TRIB3: variants seen among roughly 807,000 people sequenced by gnomAD.
TRIB3 encodes the protein tribbles homolog 3.
Under a neutral mutation model 16.6 loss-of-function variants are expected in TRIB3, and 20 were observed. That is an observed-to-expected ratio of 1.20 (90% CI 0.85 to 1.75). The LOEUF is 1.75. Among genes scored for constraint, TRIB3 ranks in the 40% most tolerant of loss-of-function variants. TRIB3 has a pLI of 0.00. For missense variants in TRIB3, 484 were observed against 488.9 expected, an observed-to-expected ratio of 0.99 and a Z score of 0.10; for synonymous variants, 208 against 217.0, an observed-to-expected ratio of 0.96 and a Z score of 0.36.
intron 1 of TRIB3, among the ~76,000 whole-genome samples, chr20:387,193 G>A (rs947169173): frequency 6.6e-6 from 1 of 152,136 alleles, no homozygotes; most frequent in Middle Eastern, 3.4e-3. Flanking sequence ...GCAATGTAGG[G>A]AGACCCCCAT....
rs1338559262 is a variant in TRIB3, at chr20:391,382, T to C, written c.387T>C (p.Gly129=). The C allele has an allele frequency of 6.2e-7, 1 of 1,613,532 alleles. No homozygotes were observed. Among genetic ancestry groups the C allele is most frequent in the East Asian group, 2.2e-5 (1 of 44,886 alleles). ...HVARPTEVLA[G]TQLLYAFFTR... ...CTCGGCCCACTGAGGTCCTGGCTGG[T>C]ACCCAGCTCCTCTACGCCTTTTTCA... Residue 129 remains glycine, a synonymous_variant, in exon 3 of 4, where the codon GGT becomes GGC. Transcript: ENST00000217233.
intron 1 of TRIB3, chr20:385,481 G>A (rs958670440): frequency 1.3e-5 from 2 of 151,476 alleles, no homozygotes; most frequent in African/African-American, 4.9e-5. Flanking sequence ...GTGTTCTTGG[G>A]GAACATGCAG....
Position 388,238 on chromosome 20 carries a change from C to A in TRIB3, c.228C>A (p.Pro76=), listed in dbSNP as rs56168174. The A allele has an allele frequency of 9.3e-6, 15 of 1,613,532 alleles. No individual in the cohort carries two copies. Among genetic ancestry groups the A allele is most frequent in the Non-Finnish European group, 1.3e-5 (15 of 1,180,012 alleles). ...SRLGPYVLLE[P]EEGGRAYQAL... ...TTGGGCCCTATGTCCTCCTGGAGCC[C>A]GAGGAGGGCGGGCGGGCCTACCAGG... Residue 76 remains proline, a synonymous_variant, in exon 2 of 4, where the codon CCC becomes CCA. Coordinates refer to ENST00000217233, the MANE Select transcript of TRIB3 (RefSeq NM_021158.5).
intron 2 of TRIB3, among the ~76,000 whole-genome samples, chr20:390,744 G>C (rs780969592): frequency 4.1e-4 from 63 of 152,146 alleles, no homozygotes; most frequent in Non-Finnish European, 7.6e-4. Flanking sequence ...GCTCACACCT[G>C]TAATCCCAGC....
chr20:392,465 G>A (rs2015006719), intron 3 of TRIB3, among the ~76,000 whole-genome samples: 1 of 152,148 alleles, frequency 6.6e-6, no homozygotes, highest in African/African-American at 2.4e-5. Flanking sequence ...AATAGGGTCT[G>A]AGGTTCCCCA....
intron 1 of TRIB3, among the ~76,000 whole-genome samples, chr20:385,260 G>C (rs577966389): frequency 0.014 from 2,177 of 151,970 alleles, 49 homozygotes; most frequent in African/African-American, 0.05. Flanking sequence ...TTACAGGCGT[G>C]TGCCACCACG....
At chr20:391,137 C>T (rs8120854) in intron 2 of TRIB3, 150 bp from the exon 3 acceptor site, 187,420 of 850,612 alleles carry the variant, frequency 0.22, 24,963 homozygotes, top group East Asian at 0.56. Flanking sequence ...CTTATAGGAC[C>T]ATGGTCAGGG....
chr20:385,636 C>CAG lies in TRIB3; in HGVS notation c.1-2374_1-2373dup, dbSNP rs547544267. On this transcript the variant is annotated intron_variant, in intron 1 of 3. Transcript: ENST00000217233. Reference sequence around the variant, plus strand: ...TAGGGCCCAGCAATGTATGTTGAAACAGGCCTCCAGATGATCTCAATGCTT... The same window carrying CAG: ...TAGGGCCCAGCAATGTATGTTGAAACAGAGGCCTCCAGATGATCTCAATGCTT... 3.9e-3 allele frequency: 596 copies of CAG among 152,062 alleles called. 3 individuals are homozygous for CAG. Among genetic ancestry groups the CAG allele is most frequent in the African/African-American group, 0.013 (553 of 41,458 alleles). 9.4% of individuals were successfully genotyped at this position (152,062 alleles called of 1,614,324 possible).
At chr20:395,267 T>G (rs1367740914) in intron 3 of TRIB3, among the ~76,000 whole-genome samples, 3 of 151,872 alleles carry the variant, frequency 2.0e-5, no homozygotes, top group African/African-American at 7.2e-5. Context: ...TCAAGTCATA[T>G]CCTTCTGCCT....
At chr20:396,097 G>A in intron 3 of TRIB3, 101 bp from the exon 4 acceptor site, 1 of 1,502,134 alleles carries the variant, frequency 6.7e-7, no homozygotes, top group East Asian at 2.3e-5. Context: ...TCAAAGGCCA[G>A]CAGGCACTTG....
rs1457835641 is a variant in TRIB3 at position 388,219 on chromosome 20, C to G, written c.209C>G (p.Pro70Arg). Residue 70 changes from proline (P) to arginine (R), a missense_variant, in exon 2 of 4, where the codon CCC (proline) becomes CGC (arginine). Physicochemically the swap from Pro to Arg is moderately radical, Grantham distance 103. Coordinates refer to ENST00000217233, the MANE Select transcript of TRIB3 (RefSeq NM_021158.5). The part of the protein sequence containing the change: ...TAVATASRLG[P>R]YVLLEPEEGG... ...GTGGCCACTGCCTCCCGTCTTGGGC[C>G]CTATGTCCTCCTGGAGCCCGAGGAG... 1 of 1,613,752 alleles carries G rather than the reference C, an allele frequency of 6.2e-7. No homozygotes were observed.
chr20:383,005 C>A (rs550026376), intron 1 of TRIB3, among the ~76,000 whole-genome samples: 2 of 152,188 alleles, frequency 1.3e-5, no homozygotes, highest in South Asian at 4.1e-4. Context: ...AGGCTGAGGT[C>A]TCTCGCACCA....
At chr20:386,835 G>C (rs1206789378) in intron 1 of TRIB3, among the ~76,000 whole-genome samples, 2 of 151,958 alleles carry the variant, frequency 1.3e-5, no homozygotes, top group East Asian at 3.9e-4. Context: ...CTCCCAAAGT[G>C]CTGCCGTGGG....
chr20:396,701 C>T lies in TRIB3; in HGVS notation c.*11C>T, dbSNP rs776834364. 6.3e-7 allele frequency: 1 copy of T among 1,591,456 alleles called. No homozygotes were observed. The highest frequency in any genetic ancestry group is 8.6e-7 in the Non-Finnish European group (1 of 1,166,624). ...GTTCTGTATGGCTAGGACCACCCTA[C>T]TACACGCTCAGCTGCCAACAGTGGA... On this transcript the variant is annotated 3_prime_UTR_variant, in exon 4 of 4. Coordinates refer to ENST00000217233, the MANE Select transcript of TRIB3 (RefSeq NM_021158.5).
At position 391,451 on chromosome 20, in the gene TRIB3, C is replaced by T. The variant is rs139461410; in HGVS notation, c.456C>T (p.His152=). Residue 152 remains histidine, a synonymous_variant, in exon 3 of 4, where the codon CAC becomes CAT. Coordinates refer to ENST00000217233, the MANE Select transcript of TRIB3 (RefSeq NM_021158.5). The part of the protein sequence containing the change: ...GDMHSLVRSR[H]RIPEPEAAVL... ...TGCACAGCCTGGTGCGAAGCCGCCA[C>T]CGTATCCCTGAGCCTGAGGCTGCCG... The T allele has an allele frequency of 1.8e-4, 284 of 1,613,956 alleles. 1 individual carries two copies. Among genetic ancestry groups the T allele is most frequent in the Middle Eastern group, 1.5e-3 (9 of 6,060 alleles).
chr20:388,276 C>T lies in TRIB3; in HGVS notation c.266C>T (p.Pro89Leu). The stretch of plus-strand genomic sequence containing the variant: ...CGGGCCTACCAGGCCCTGCACTGCC[C>T]TACAGGCACTGAGTATACCTGCAAG... ...GGRAYQALHC[P>L]TGTEYTCKVY... The change falls in exon 2 of 4, where the codon CCT (proline) becomes CTT (leucine). Residue 89 changes from proline (P) to leucine (L), a missense_variant. Coordinates refer to ENST00000217233, the MANE Select transcript of TRIB3 (RefSeq NM_021158.5). 2 of 1,612,504 alleles carry T rather than the reference C, an allele frequency of 1.2e-6. No individual in the cohort carries two copies. The highest frequency in any genetic ancestry group is 1.7e-6 in the Non-Finnish European group (2 of 1,179,666).
chr20:390,571 C>T (rs146558508), intron 2 of TRIB3, among the ~76,000 whole-genome samples: 87 of 152,296 alleles, frequency 5.7e-4, no homozygotes, highest in African/African-American at 2.0e-3. Context: ...GGAGCTGTGA[C>T]GGTGATGAGC....
intron 3 of TRIB3, among the ~76,000 whole-genome samples, chr20:392,013 T>G (rs142444524): frequency 3.3e-5 from 5 of 150,378 alleles, no homozygotes; most frequent in African/African-American, 1.2e-4. Flanking sequence ...CAGAGTGAGA[T>G]TCCATCTCAA....
intron 1 of TRIB3, among the ~76,000 whole-genome samples, chr20:386,965 C>A (rs753281318): frequency 1.2e-4 from 18 of 151,250 alleles, no homozygotes; most frequent in South Asian, 4.2e-4. Flanking sequence ...GTTGGCCAGG[C>A]TGGTCTTGAA....
Sources: allele counts gnomAD v4.1 joint callset (sites outside exome capture counted in the v4.1 genomes callset), GRCh38; gene constraint gnomAD v4.1.1; transcripts MANE v1.5; gene names NCBI Gene and HGNC (gene_info 2026-07-23, HGNC 2026-07-21).